The following COQ9 variants were observed in gnomAD, a reference collection of about 807,000 sequenced individuals.
The protein encoded by COQ9 is coenzyme Q9.
COQ9 carries 35 observed loss-of-function variants against 42.4 expected under a neutral mutation model. The ratio of observed to expected loss-of-function variants is 0.83; its 90% confidence interval spans 0.63 to 1.10. The LOEUF is 1.10. COQ9 is among the 50% of genes least tolerant of loss of function. COQ9 has a pLI of 0.00. For missense variants in COQ9, 406 were observed against 414.6 expected (o/e 0.98, Z 0.18); for synonymous variants, 155 against 155.1 (o/e 1.00, Z 0.00).
chr16:57,457,168 G>A (rs2030425608), intron 5 of COQ9, 153 bp downstream of exon 5: 1 of 732,414 alleles, frequency 1.4e-6, no homozygotes. Context: ...GTAAAGCTGG[G>A]TTTCAAACTT....
intron 1 of COQ9, among the ~76,000 whole-genome samples, chr16:57,449,221 A>G (rs772939304): frequency 1.3e-5 from 2 of 152,250 alleles, no homozygotes; most frequent in Non-Finnish European, 2.9e-5. Context: ...GACAAGCCCT[A>G]TCCTTCTTAA....
At chr16:57,453,112 A>C in intron 3 of COQ9, 176 bp downstream of exon 3, 2 of 764,432 alleles carry the variant, frequency 2.6e-6, no homozygotes, top group South Asian at 3.1e-5. Context: ...TGTAGTTATA[A>C]AGAACATACC....
At chr16:57,451,447 C>T (rs528878824) in intron 2 of COQ9, among the ~76,000 whole-genome samples, 181 of 152,326 alleles carry the variant, frequency 1.2e-3, no homozygotes, top group Non-Finnish European at 1.7e-3. Context: ...GTTGGGATTA[C>T]AGGTGTGAGC....
Position 57,451,111 on chromosome 16 carries a change from G to A in COQ9, c.145G>A (p.Glu49Lys). 1.9e-6 allele frequency: 3 copies of A among 1,614,174 alleles called. No individual in the cohort carries two copies. The highest frequency in any genetic ancestry group is 2.2e-5 in the South Asian group (2 of 91,078). ...ASAVGLRSSD[E>K]QKQQPPNSFS... ...AGCTGTGGGGCTAAGGTCTTCAGAT[G>A]AGCAGAAGCAGCAGCCTCCCAACTC... is the stretch of plus-strand genomic sequence containing the variant. Residue 49 changes from glutamate (E) to lysine (K), a missense_variant, in exon 2 of 9, where the codon GAG (glutamate) becomes AAG (lysine). Physicochemically the swap from Glu to Lys is moderately conservative, Grantham distance 56 (BLOSUM62 1). Transcript: ENST00000262507.
At chr16:57,453,730 G>C (rs1296769726) in intron 3 of COQ9, 4 of 152,336 alleles carry the variant, frequency 2.6e-5, no homozygotes, top group African/African-American at 4.8e-5. Flanking sequence ...TCCACTGTAG[G>C]CTCATTGTGA....
In COQ9 at chr16:57,452,162, C is replaced by T. The variant is rs533008559; in HGVS notation, c.243-639C>T. Among the ~76,000 whole-genome samples, 115 of 152,250 alleles carry T rather than the reference C, an allele frequency of 7.6e-4. 5 individuals are homozygous for T. The South Asian group carries it at 0.022, about 30-fold the overall frequency. The stretch of plus-strand genomic sequence containing the variant: ...GTGAGTAATATAGCATTACTCCTGC[C>T]CTCAGGGAGGTAGTCTGGTGTAAGT... On this transcript the variant is annotated intron_variant, in intron 2 of 8. Coordinates refer to ENST00000262507, the MANE Select transcript of COQ9 (RefSeq NM_020312.4).
rs1194375226 is a variant in COQ9 at position 57,451,086 on chromosome 16, A to C, written c.120A>C (p.Ser40=). 16 of 1,614,054 alleles carry C rather than the reference A, an allele frequency of 9.9e-6. No individual in the cohort carries two copies. The highest frequency in any genetic ancestry group is 1.4e-5 in the Non-Finnish European group (16 of 1,180,026). Residue 40 remains serine, a synonymous_variant, in exon 2 of 9, where the codon TCA becomes TCC. Coordinates refer to ENST00000262507, the MANE Select transcript of COQ9 (RefSeq NM_020312.4). ...TGGTGCCGCGTGCCTTCCATGCTTCAGCTGTGGGGCTAAGGTCTTCAGATG... is the reference window on the plus strand; with the variant it reads ...TGGTGCCGCGTGCCTTCCATGCTTCCGCTGTGGGGCTAAGGTCTTCAGATG... ...QALVPRAFHA[S]AVGLRSSDEQ... is the part of the protein sequence containing the mutation.
At chr16:57,456,380 C>A in intron 3 of COQ9, 124 bp from the exon 4 acceptor site, 1 of 1,153,500 alleles carries the variant, frequency 8.7e-7, no homozygotes, top group Non-Finnish European at 1.3e-6. Context: ...TCACCAAAAT[C>A]ACATGGACCC....
chr16:57,450,426 A>C (rs956539026), intron 1 of COQ9, among the ~76,000 whole-genome samples: 1 of 151,918 alleles, frequency 6.6e-6, no homozygotes, highest in Admixed American at 6.5e-5. Flanking sequence ...AAAAAAAAAA[A>C]AAAAGAAAAT....
At chr16:57,452,613 G>T (rs1229256364) in intron 2 of COQ9, among the ~76,000 whole-genome samples, 188 bp from the exon 3 acceptor site, 4 of 152,220 alleles carry the variant, frequency 2.6e-5, no homozygotes, top group Non-Finnish European at 5.9e-5. Context: ...CTGGACTCCA[G>T]CCTGGGCGAC....
intron 5 of COQ9, 125 bp from the exon 6 acceptor site, chr16:57,458,121 G>T: frequency 1.4e-6 from 1 of 740,488 alleles, no homozygotes; most frequent in South Asian, 1.5e-5. Flanking sequence ...AGTGGGTGAA[G>T]ATGCTGGTCT....
At position 57,451,050 on chromosome 16, in the gene COQ9, C is replaced by G. The variant is rs1325460841; in HGVS notation, c.84C>G (p.Cys28Trp). 1.9e-6 allele frequency: 3 copies of G among 1,614,020 alleles called. No homozygotes were observed. Among genetic ancestry groups the G allele is most frequent in the Non-Finnish European group, 2.5e-6 (3 of 1,180,032 alleles). ...CAGTTTCTGTTTCAGTGGCCCGTTG[C>G]CGACAAGCCCTGGTGCCGCGTGCCT... ...LQLRCLPVAR[C>W]RQALVPRAFH... Residue 28 changes from cysteine (C) to tryptophan (W), a missense_variant, in exon 2 of 9, where the codon TGC (cysteine) becomes TGG (tryptophan). Cys to Trp is a radical substitution (Grantham distance 215). Transcript: ENST00000262507.
intron 4 of COQ9, 118 bp from the exon 5 acceptor site, chr16:57,456,813 T>A: frequency 3.1e-6 from 4 of 1,283,010 alleles, no homozygotes; most frequent in Non-Finnish European, 4.5e-6. Context: ...TCTGACGGCT[T>A]TAGTCAGGCC....
In COQ9 at chr16:57,460,459, A is replaced by G; in HGVS notation, c.922-130A>G. ...CAGGAGTTTGAGGACAGTCTGGCCA[A>G]CATAGCAAAACCCTGTCTCTATGCA... On this transcript the variant is annotated intron_variant, in intron 8 of 8. Coordinates refer to ENST00000262507, the MANE Select transcript of COQ9 (RefSeq NM_020312.4). The G allele has an allele frequency of 3.3e-6, 3 of 911,254 alleles. No individual in the cohort carries two copies. The South Asian group carries it at 4.5e-5, about 14-fold the overall frequency. 56.4% of individuals were successfully genotyped at this position (911,254 alleles called of 1,614,324 possible). A position where few individuals can be genotyped will look rare whatever the true frequency, so the allele number is the denominator to read the frequency against.
At chr16:57,460,213 TC>T in intron 8 of COQ9, 109 bp downstream of exon 8, 1 of 1,133,900 alleles carries the variant, frequency 8.8e-7, no homozygotes, top group Non-Finnish European at 1.3e-6. Flanking sequence ...GAAACAATAA[TC>T]TAATAATAAG....
chr16:57,448,920 A>G (rs1213944421), intron 1 of COQ9, among the ~76,000 whole-genome samples: 1 of 152,228 alleles, frequency 6.6e-6, no homozygotes, highest in African/African-American at 2.4e-5. Context: ...ATGGAATACT[A>G]TTCTGCAATA....
In COQ9 at chr16:57,452,870, G is replaced by C; in HGVS notation, c.312G>C (p.Leu104=). Residue 104 remains leucine, a synonymous_variant, in exon 3 of 9, where the codon CTG becomes CTC. Transcript: ENST00000262507. The part of the protein sequence containing the change: ...ESEEQLQHRI[L]TAALEFVPAH... Reference sequence around the variant, plus strand: ...AGGAGCAGTTGCAGCACCGCATCCTGACGGCAGCCCTTGAGTTTGTGCCCG... The same window carrying C: ...AGGAGCAGTTGCAGCACCGCATCCTCACGGCAGCCCTTGAGTTTGTGCCCG... 6.2e-7 allele frequency: 1 copy of C among 1,613,890 alleles called. No homozygotes were observed. Among genetic ancestry groups the C allele is most frequent in the Non-Finnish European group, 8.5e-7 (1 of 1,180,018 alleles).
In COQ9 at chr16:57,458,335, G is replaced by A. The variant is rs1384478743; in HGVS notation, c.696G>A (p.Gly232=). The A allele has an allele frequency of 6.2e-7, 1 of 1,611,692 alleles. No homozygotes were observed. The highest frequency in any genetic ancestry group is 1.1e-5 in the South Asian group (1 of 90,510). The part of the protein sequence containing the change: ...SMVDDMWHYA[G]DQSTDFNWYT... ...TGGATGACATGTGGCATTACGCTGG[G>A]GACCAGTCCACTGATGTGAGTGCTT... The change falls in exon 6 of 9, where the codon GGG becomes GGA. Residue 232 remains glycine, a synonymous_variant. Coordinates refer to ENST00000262507, the MANE Select transcript of COQ9 (RefSeq NM_020312.4).
In COQ9 at chr16:57,451,269, TCA is replaced by T. The variant is rs1296322296; in HGVS notation, c.242+63_242+64del. 15 of 1,503,894 alleles carry T rather than the reference TCA, an allele frequency of 1.0e-5. No individual in the cohort carries two copies. The Admixed American group carries it at 2.5e-4, about 25-fold the overall frequency. The allele number at this position is 1,503,894 out of a possible 1,614,324, so 93.2% of individuals were successfully genotyped here. On this transcript the variant is annotated intron_variant, in intron 2 of 8. Transcript: ENST00000262507. ...ATGCTTCATTATGTCTGTTCCTCCT[TCA>T]CTTCCTCTCTCCTCTCCATCCCCTT...
Sources: gnomAD v4.1 joint callset for allele counts (sites outside exome capture counted in the v4.1 genomes callset) on GRCh38, gnomAD v4.1.1 for gene constraint, MANE v1.5 for transcripts, NCBI Gene and HGNC (gene_info 2026-07-23, HGNC 2026-07-21) for gene names.